NARS2: variants seen among roughly 807,000 people sequenced by gnomAD.
NARS2 encodes the protein asparaginyl-tRNA synthetase.
NARS2 carries 60 observed loss-of-function variants against 62.9 expected under a neutral mutation model. The observed-to-expected ratio is 0.95, with a 90% CI of 0.77 to 1.18. The LOEUF (loss-of-function observed/expected upper bound fraction) is 1.18. NARS2 is among the 50% of genes most tolerant of loss of function. The pLI is 0.00. For synonymous variants in NARS2, 196 were observed against 200.0 expected (o/e 0.98, Z 0.17); for missense variants, 619 against 576.4 (o/e 1.07, Z -0.76).
intron 6 of NARS2, among the ~76,000 whole-genome samples, chr11:78,508,270 G>A (rs1860579466): frequency 6.6e-6 from 1 of 152,148 alleles, no homozygotes; most frequent in Admixed American, 6.5e-5. Context: ...CCCAACATAT[G>A]CATGTGGGAG....
At chr11:78,450,196 A>T (rs1431947777) in intron 11 of NARS2, among the ~76,000 whole-genome samples, 2 of 152,200 alleles carry the variant, frequency 1.3e-5, no homozygotes. Context: ...GTGGACTCTT[A>T]AACTTCCACC....
rs1356558914 is a variant in NARS2, at chr11:78,436,163, C to T, written c.*507G>A. The T allele has an allele frequency of 6.6e-6, 1 of 152,264 alleles. No homozygotes were observed. The highest frequency in any genetic ancestry group is 6.5e-5 in the Admixed American group (1 of 15,278). 9.4% of individuals were successfully genotyped at this position (152,264 alleles called of 1,614,324 possible). Reference sequence around the variant, plus strand: ...AGATTTCAATTCAGAATAGCTACTTCTTTAAATCAATTAAGACCTTAAGGA... The same window carrying T: ...AGATTTCAATTCAGAATAGCTACTTTTTTAAATCAATTAAGACCTTAAGGA... On this transcript the variant is annotated 3_prime_UTR_variant, in exon 14 of 14. Transcript: ENST00000281038.
At chr11:78,470,856 G>A (rs1427282408) in intron 9 of NARS2, among the ~76,000 whole-genome samples, 1 of 147,762 alleles carries the variant, frequency 6.8e-6, no homozygotes, top group Non-Finnish European at 1.5e-5. Flanking sequence ...GTAAATTACA[G>A]GTAAAATACT....
intron 5 of NARS2, among the ~76,000 whole-genome samples, chr11:78,551,229 C>T (rs999549879): frequency 6.6e-6 from 1 of 152,174 alleles, no homozygotes; most frequent in Non-Finnish European, 1.5e-5. Context: ...CTGAGAAATG[C>T]ATCACTAGGT....
intron 7 of NARS2, among the ~76,000 whole-genome samples, chr11:78,479,799 G>C (rs58769787): frequency 6.6e-6 from 1 of 152,198 alleles, no homozygotes; most frequent in African/African-American, 2.4e-5. Context: ...TAGTGAAGGC[G>C]TAACTGTCTA....
rs933074101 is a variant in NARS2, at chr11:78,469,522, T to C, written c.960-209A>G. Among the ~76,000 whole-genome samples, 12 of 152,322 alleles carry C rather than the reference T, an allele frequency of 7.9e-5. 1 individual carries two copies. Among genetic ancestry groups the C allele is most frequent in the Middle Eastern group, 3.4e-3 (1 of 294 alleles). On this transcript the variant is annotated intron_variant, in intron 9 of 13. Transcript: ENST00000281038. ...CTCAACTCCTCATCTACTTGCAATA[T>C]ACACAGTGAAGCTAGTCACTTAAGC... is the stretch of plus-strand genomic sequence containing the variant.
In NARS2 at chr11:78,478,290, G is replaced by A. The variant is rs150460677; in HGVS notation, c.959+148C>T. The A allele has an allele frequency of 1.2e-3, 308 of 250,258 alleles. 1 individual carries two copies. Among genetic ancestry groups the A allele is most frequent in the African/African-American group, 6.3e-3 (282 of 44,502 alleles). 15.5% of individuals were successfully genotyped at this position (250,258 alleles called of 1,614,324 possible). Reference sequence around the variant, plus strand: ...ATGGGTCTTGCCTGGAATCTGGGGAGTGTCTATATATAGACATATAATATG... The same window carrying A: ...ATGGGTCTTGCCTGGAATCTGGGGAATGTCTATATATAGACATATAATATG... On this transcript the variant is annotated intron_variant, in intron 9 of 13. Coordinates refer to ENST00000281038, the MANE Select transcript of NARS2 (RefSeq NM_024678.6).
intron 5 of NARS2, among the ~76,000 whole-genome samples, chr11:78,551,274 T>G (rs541869191): frequency 1.4e-4 from 21 of 152,282 alleles, no homozygotes; most frequent in African/African-American, 4.3e-4. Context: ...CGGAGTCTAT[T>G]TACACAGACG....
In NARS2 at chr11:78,478,572, T is replaced by C. The variant is rs1322603997; in HGVS notation, c.921+13A>G. On this transcript the variant is annotated intron_variant, in intron 8 of 13. Coordinates refer to ENST00000281038, the MANE Select transcript of NARS2 (RefSeq NM_024678.6). ...CAGTAGATGTATTGGGCTTTATCCA[T>C]AAAACTAATTACCTTTTGGCCAGGT... 7.1e-5 allele frequency: 111 copies of C among 1,561,806 alleles called. No homozygotes were observed. The highest frequency in any genetic ancestry group is 9.7e-5 in the Non-Finnish European group (110 of 1,135,056).
chr11:78,439,546 G>A (rs7106080), intron 13 of NARS2, among the ~76,000 whole-genome samples: 41,911 of 151,956 alleles, frequency 0.28, 6,556 homozygotes, highest in East Asian at 0.42. Flanking sequence ...CATTTCATCC[G>A]CACAATAACT....
intron 6 of NARS2, among the ~76,000 whole-genome samples, chr11:78,504,542 T>C (rs1048177232): frequency 6.6e-6 from 1 of 151,528 alleles, no homozygotes; most frequent in Non-Finnish European, 1.5e-5. Flanking sequence ...TACATGTGAC[T>C]AAGCTTATTT....
intron 6 of NARS2, among the ~76,000 whole-genome samples, chr11:78,521,602 A>G (rs1861125634): frequency 6.6e-6 from 1 of 152,106 alleles, no homozygotes; most frequent in Non-Finnish European, 1.5e-5. Flanking sequence ...CATCCCGGCT[A>G]AAATGGTGAA....
intron 7 of NARS2, among the ~76,000 whole-genome samples, chr11:78,490,208 G>GT (rs1859758009): frequency 6.6e-6 from 1 of 152,212 alleles, no homozygotes; most frequent in African/African-American, 2.4e-5. Flanking sequence ...CTCTCAGGGA[G>GT]TAACGTCACT....
intron 5 of NARS2, among the ~76,000 whole-genome samples, chr11:78,535,986 T>C (rs1590827210): frequency 6.6e-6 from 1 of 152,144 alleles, no homozygotes; most frequent in Admixed American, 6.5e-5. Flanking sequence ...ATACAATAAC[T>C]ATATTCACAG....
intron 11 of NARS2, among the ~76,000 whole-genome samples, chr11:78,452,593 C>T (rs1036114540): frequency 5.3e-5 from 8 of 151,700 alleles, no homozygotes; most frequent in Non-Finnish European, 1.2e-4. Flanking sequence ...TTTTTTTGTA[C>T]AGACAGGGTC....
At chr11:78,493,293 T>G in intron 6 of NARS2, 98 bp from the exon 7 acceptor site, 1 of 1,138,182 alleles carries the variant, frequency 8.8e-7, no homozygotes, top group Non-Finnish European at 1.3e-6. Flanking sequence ...AAGTTTTGTG[T>G]GCCTCTGTCT....
chr11:78,488,656 A>C (rs1310777964), intron 7 of NARS2, among the ~76,000 whole-genome samples: 1 of 152,200 alleles, frequency 6.6e-6, no homozygotes, highest in Non-Finnish European at 1.5e-5. Flanking sequence ...AATACATAGA[A>C]CTTGTAATGC....
At chr11:78,569,868 C>T (rs1856860996) in intron 2 of NARS2, among the ~76,000 whole-genome samples, 2 of 152,120 alleles carry the variant, frequency 1.3e-5, no homozygotes, top group Non-Finnish European at 2.9e-5. Context: ...ATAATCAAAA[C>T]AATTACAAAG....
intron 5 of NARS2, among the ~76,000 whole-genome samples, chr11:78,545,203 C>T (rs1026302904): frequency 6.6e-6 from 1 of 152,116 alleles, no homozygotes; most frequent in Admixed American, 6.5e-5. Flanking sequence ...ATATCATCTA[C>T]ATTTCATTAT....
Sources: allele counts gnomAD v4.1 joint callset (sites outside exome capture counted in the v4.1 genomes callset), GRCh38; gene constraint gnomAD v4.1.1; transcripts MANE v1.5; gene names NCBI Gene and HGNC (gene_info 2026-07-23, HGNC 2026-07-21).